The following MYBL1 variants were observed in gnomAD, a reference collection of about 807,000 sequenced individuals.
The protein encoded by MYBL1 is myb-related protein A.
MYBL1 carries 17 observed loss-of-function variants against 96.3 expected under a neutral mutation model. The ratio of observed to expected loss-of-function variants is 0.18; its 90% CI spans 0.12 to 0.26. MYBL1 has a LOEUF of 0.26. MYBL1 is among the 10% of genes least tolerant of loss of function. MYBL1 has a pLI of 1.00. For missense variants in MYBL1, 701 were observed against 882.9 expected, an observed-to-expected ratio of 0.79 and a Z score of 2.61; for synonymous variants, 282 against 292.7, an observed-to-expected ratio of 0.96 and a Z score of 0.37.
intron 8 of MYBL1, among the ~76,000 whole-genome samples, chr8:66,591,272 A>G (rs571853871): frequency 1.3e-5 from 2 of 152,164 alleles, no homozygotes; most frequent in East Asian, 3.9e-4. Flanking sequence ...ACGTGAACCC[A>G]GGAGGCGGAG....
intron 8 of MYBL1, among the ~76,000 whole-genome samples, chr8:66,584,983 G>A (rs956075780): frequency 1.3e-5 from 2 of 152,062 alleles, no homozygotes; most frequent in Non-Finnish European, 2.9e-5. Context: ...CTACGGTTCA[G>A]TGCAATCTTT....
chr8:66,566,613 A>G, intron 14 of MYBL1, 71 bp downstream of exon 14: 1 of 984,640 alleles, frequency 1.0e-6, no homozygotes, highest in Non-Finnish European at 1.5e-6. Context: ...CTACACAATG[A>G]GTAAGAAATA....
intron 1 of MYBL1, 31 bp downstream of exon 1, chr8:66,612,788 G>C (rs773762710): frequency 7.4e-7 from 1 of 1,351,892 alleles, no homozygotes; most frequent in South Asian, 2.3e-5. Flanking sequence ...AGACGGCGCC[G>C]ACAGGCCTGG....
intron 12 of MYBL1, among the ~76,000 whole-genome samples, chr8:66,568,042 G>A (rs1273070409): frequency 1.2e-4 from 16 of 135,810 alleles, no homozygotes; most frequent in Admixed American, 4.6e-4. Context: ...GCCAGACTCC[G>A]TCTCAAAAAA....
At chr8:66,606,900 C>T (rs1810334720) in intron 1 of MYBL1, among the ~76,000 whole-genome samples, 1 of 152,012 alleles carries the variant, frequency 6.6e-6, no homozygotes, top group Non-Finnish European at 1.5e-5. Flanking sequence ...AAGCAATTCT[C>T]CTTCCTCAGC....
chr8:66,587,887 T>A (rs774234300), intron 8 of MYBL1, among the ~76,000 whole-genome samples: 3 of 152,214 alleles, frequency 2.0e-5, no homozygotes, highest in Non-Finnish European at 4.4e-5. Context: ...TAGGAAGCAC[T>A]GAATAATGGT....
rs1044502783 is a variant in MYBL1, at chr8:66,562,885, A to G, written c.*1812T>C. ...ATCAATAAGGCATAATCTTAGTACCATACATTTTCTTCACTTCTCACTATA... is the reference window on the plus strand; with the variant it reads ...ATCAATAAGGCATAATCTTAGTACCGTACATTTTCTTCACTTCTCACTATA... On this transcript the variant is annotated 3_prime_UTR_variant, in exon 16 of 16. Coordinates refer to ENST00000522677, the MANE Select transcript of MYBL1 (RefSeq NM_001080416.4). The G allele has an allele frequency of 6.7e-6, 1 of 149,584 alleles. No individual in the cohort carries two copies. The highest frequency in any genetic ancestry group is 1.5e-5 in the Non-Finnish European group (1 of 67,464). The allele number at this position is 149,584 out of a possible 1,614,324, so 9.3% of individuals were successfully genotyped here.
intron 9 of MYBL1, 70 bp from the exon 10 acceptor site, chr8:66,576,445 G>A: frequency 6.8e-7 from 1 of 1,473,012 alleles, no homozygotes; most frequent in Non-Finnish European, 9.1e-7. Flanking sequence ...AACACAGGAT[G>A]ATGATTTCCA....
chr8:66,608,995 T>C (rs1431999348), intron 1 of MYBL1, among the ~76,000 whole-genome samples: 1 of 152,100 alleles, frequency 6.6e-6, no homozygotes, highest in Non-Finnish European at 1.5e-5. Flanking sequence ...AACTACTATA[T>C]TCAAATGGAA....
intron 1 of MYBL1, among the ~76,000 whole-genome samples, chr8:66,607,751 G>A (rs1011006154): frequency 2.7e-5 from 4 of 149,870 alleles, no homozygotes; most frequent in Non-Finnish European, 5.9e-5. Context: ...AGCAGAACCT[G>A]CTGAAACAAA....
intron 1 of MYBL1, among the ~76,000 whole-genome samples, chr8:66,610,566 T>C (rs1810489207): frequency 6.6e-6 from 1 of 152,116 alleles, no homozygotes; most frequent in Admixed American, 6.6e-5. Context: ...CTGAATTATT[T>C]CTTTTCCCTT....
At chr8:66,580,761 T>TTATATA (rs1478785403) in intron 8 of MYBL1, among the ~76,000 whole-genome samples, 3 of 152,176 alleles carry the variant, frequency 2.0e-5, no homozygotes, top group Non-Finnish European at 4.4e-5. Context: ...CCCCAGTGAA[T>TTATATA]TATATACTCT....
At chr8:66,599,272 G>T in intron 3 of MYBL1, 130 bp from the exon 4 acceptor site, 1 of 518,622 alleles carries the variant, frequency 1.9e-6, no homozygotes, top group Non-Finnish European at 3.3e-6. Flanking sequence ...CTTTAAACAT[G>T]TAACATTTAT....
chr8:66,572,394 TA>T, intron 12 of MYBL1, 87 bp downstream of exon 12: 1 of 621,984 alleles, frequency 1.6e-6, no homozygotes, highest in East Asian at 2.8e-5. Context: ...TATCTTTTTT[TA>T]AATGTTAAAA....
intron 6 of MYBL1, among the ~76,000 whole-genome samples, chr8:66,593,936 G>A (rs1168185503): frequency 6.6e-6 from 1 of 151,992 alleles, no homozygotes; most frequent in African/African-American, 2.4e-5. Context: ...AGGAGTCCAA[G>A]ACCAGCCTGG....
chr8:66,603,264 A>G (rs1166169444), intron 1 of MYBL1, among the ~76,000 whole-genome samples: 1 of 152,194 alleles, frequency 6.6e-6, no homozygotes, highest in African/African-American at 2.4e-5. Flanking sequence ...TGAAAAAGAA[A>G]AACCAATTAG....
chr8:66,580,558 A>G (rs752907505), intron 8 of MYBL1, among the ~76,000 whole-genome samples, 192 bp from the exon 9 acceptor site: 2 of 152,208 alleles, frequency 1.3e-5, no homozygotes, highest in African/African-American at 2.4e-5. Context: ...TTTTTAATCT[A>G]TACAATCATG....
At chr8:66,602,595 T>C in intron 1 of MYBL1, 72 bp from the exon 2 acceptor site, 1 of 952,308 alleles carries the variant, frequency 1.1e-6, no homozygotes, top group Non-Finnish European at 1.6e-6. Flanking sequence ...TGAACTTGTG[T>C]GTGCAGGTAT....
intron 12 of MYBL1, among the ~76,000 whole-genome samples, chr8:66,567,588 TGAGTGTCA>T (rs1808556376): frequency 1.3e-5 from 2 of 152,116 alleles, no homozygotes; most frequent in South Asian, 4.2e-4. Context: ...GATAGACACT[TGAGTGTCA>T]GCTGAGTGAT....
Sources: gnomAD v4.1 joint callset for allele counts (sites outside exome capture counted in the v4.1 genomes callset) on GRCh38, gnomAD v4.1.1 for gene constraint, MANE v1.5 for transcripts, NCBI Gene and HGNC (gene_info 2026-07-23, HGNC 2026-07-21) for gene names.